PPM1H: variants seen among roughly 807,000 people sequenced by gnomAD.
PPM1H encodes the protein protein phosphatase, Mg2+/Mn2+ dependent 1H.
PPM1H carries 27 observed loss-of-function variants against 54.9 expected under a neutral mutation model. The observed-to-expected ratio is 0.49, with a 90% CI of 0.36 to 0.68. The LOEUF (loss-of-function observed/expected upper bound fraction) is 0.68. Ranked by LOEUF, PPM1H falls within the 30% of genes least tolerant of loss-of-function variation. The probability of loss-of-function intolerance (pLI) is 0.00; values close to 1 mark genes in which losing one functional copy is unlikely to be tolerated. For missense variants in PPM1H, 596 were observed against 667.8 expected (o/e 0.89, Z 1.19); for synonymous variants, 305 against 270.8 (o/e 1.13, Z -1.24).
In PPM1H at chr12:62,917,177, G is replaced by A. The variant is rs141622264; in HGVS notation, c.245+17315C>T. On this transcript the variant is annotated intron_variant, in intron 1 of 9. Transcript: ENST00000228705. ...CAGTGACACGTGGCTGCAGGGCCAC[G>A]TATAAGTACAAAGTATTGATTAAAA... is the stretch of plus-strand genomic sequence containing the variant. 4.3e-3 allele frequency among the ~76,000 whole-genome samples: 656 copies of A among 152,348 alleles called. 2 individuals carry two copies. The highest frequency in any genetic ancestry group is 7.0e-3 in the Non-Finnish European group (477 of 68,036).
chr12:62,908,636 T>A (rs1040061845), intron 1 of PPM1H, among the ~76,000 whole-genome samples: 3 of 152,184 alleles, frequency 2.0e-5, no homozygotes, highest in African/African-American at 7.2e-5. Context: ...GTGGTTTGTA[T>A]CATAGTAGGG....
At chr12:62,818,361 G>A (rs914912109) in intron 2 of PPM1H, among the ~76,000 whole-genome samples, 2 of 152,124 alleles carry the variant, frequency 1.3e-5, no homozygotes, top group Non-Finnish European at 2.9e-5. Context: ...GATAAATAAA[G>A]ACTCTTTATA....
intron 4 of PPM1H, chr12:62,756,132 C>T: frequency 1.2e-6 from 1 of 855,354 alleles, no homozygotes; most frequent in East Asian, 2.5e-5. Context: ...TGGCATTGAC[C>T]TCAACGACCA....
chr12:62,772,471 C>G (rs1265269725), intron 4 of PPM1H, among the ~76,000 whole-genome samples: 2 of 152,066 alleles, frequency 1.3e-5, no homozygotes, highest in Non-Finnish European at 2.9e-5. Context: ...AGATTTGTAT[C>G]TAATTTTAAA....
At chr12:62,714,967 AC>A (rs1436694329) in intron 6 of PPM1H, among the ~76,000 whole-genome samples, 5 of 152,018 alleles carry the variant, frequency 3.3e-5, no homozygotes, top group Admixed American at 6.5e-5. Context: ...CCTCCCACAC[AC>A]ATGTCCCTCT....
At chr12:62,831,828 T>C (rs1868365680) in intron 2 of PPM1H, among the ~76,000 whole-genome samples, 1 of 151,624 alleles carries the variant, frequency 6.6e-6, no homozygotes, top group Admixed American at 6.6e-5. Flanking sequence ...TATATATATA[T>C]GCACACACAT....
intron 1 of PPM1H, among the ~76,000 whole-genome samples, chr12:62,845,170 G>A (rs920008280): frequency 6.6e-6 from 1 of 152,188 alleles, no homozygotes; most frequent in Non-Finnish European, 1.5e-5. Context: ...GTCTAAACAG[G>A]ACCTGGAAGT....
chr12:62,850,718 T>TTTTTTTC (rs1476053471), intron 1 of PPM1H: 6 of 149,274 alleles, frequency 4.0e-5, no homozygotes, highest in Non-Finnish European at 7.4e-5. Context: ...TATATTTATA[T>TTTTTTTC]TTTTTTCTTT....
At chr12:62,875,055 A>G (rs1390076241) in intron 1 of PPM1H, among the ~76,000 whole-genome samples, 1 of 152,234 alleles carries the variant, frequency 6.6e-6, no homozygotes, top group African/African-American at 2.4e-5. Flanking sequence ...CACTGCCTCC[A>G]GGGCAGCAGA....
intron 1 of PPM1H, among the ~76,000 whole-genome samples, chr12:62,913,875 T>C (rs550126977): frequency 0.017 from 2,587 of 152,178 alleles, 78 homozygotes; most frequent in African/African-American, 0.059. Context: ...TAACTTTGTA[T>C]TTTTAGTAGA....
rs187121540 is a variant in PPM1H, at chr12:62,702,610, T to C, written c.1074-8611A>G. On this transcript the variant is annotated intron_variant, in intron 6 of 9. Coordinates refer to ENST00000228705, the MANE Select transcript of PPM1H (RefSeq NM_020700.2). ...ACCACTTGTTTCCCTAAGTCTTAAT[T>C]CCCTTAGCAAGACTTCAAAGTCATT... is the stretch of plus-strand genomic sequence containing the variant. Among the ~76,000 whole-genome samples the C allele has an allele frequency of 2.0e-5, 3 of 150,418 alleles. No individual in the cohort carries two copies. The East Asian group carries it at 6.0e-4, about 30-fold the overall frequency.
intron 1 of PPM1H, among the ~76,000 whole-genome samples, chr12:62,848,047 C>A (rs1159847723): frequency 6.6e-6 from 1 of 151,976 alleles, no homozygotes; most frequent in African/African-American, 2.4e-5. Context: ...AATAGCGGAA[C>A]CAGAAGCATA....
chr12:62,916,938 A>AAG (rs1871644660), intron 1 of PPM1H, among the ~76,000 whole-genome samples: 1 of 152,160 alleles, frequency 6.6e-6, no homozygotes, highest in Non-Finnish European at 1.5e-5. Flanking sequence ...AAAAAAAAAA[A>AAG]AAAAAGGTAG....
At chr12:62,839,979 T>C (rs1868669853) in intron 1 of PPM1H, among the ~76,000 whole-genome samples, 1 of 151,242 alleles carries the variant, frequency 6.6e-6, no homozygotes, top group African/African-American at 2.4e-5. Flanking sequence ...AGTTGGATGC[T>C]GCAGTGAGCT....
intron 2 of PPM1H, among the ~76,000 whole-genome samples, chr12:62,830,737 C>A (rs568274132): frequency 3.8e-4 from 58 of 152,334 alleles, no homozygotes; most frequent in African/African-American, 1.3e-3. Context: ...TTCCTTCAAC[C>A]TAGAAAATAT....
intron 1 of PPM1H, among the ~76,000 whole-genome samples, chr12:62,917,073 G>T (rs1199065887): frequency 6.6e-6 from 1 of 152,134 alleles, no homozygotes; most frequent in Non-Finnish European, 1.5e-5. Context: ...AATATAATTT[G>T]ACTTATGTGA....
chr12:62,879,003 C>T (rs1195945416), intron 1 of PPM1H, among the ~76,000 whole-genome samples: 2 of 152,160 alleles, frequency 1.3e-5, no homozygotes, highest in East Asian at 3.9e-4. Context: ...TATTTTCCCT[C>T]GTTCAGAGCA....
At chr12:62,752,403 G>A (rs1290263978) in intron 4 of PPM1H, among the ~76,000 whole-genome samples, 1 of 152,086 alleles carries the variant, frequency 6.6e-6, no homozygotes, top group East Asian at 1.9e-4. Flanking sequence ...GAATAAAGTG[G>A]TTATCTCACA....
chr12:62,838,703 C>T (rs1868594402), intron 1 of PPM1H, among the ~76,000 whole-genome samples: 1 of 142,064 alleles, frequency 7.0e-6, no homozygotes, highest in African/African-American at 2.8e-5. Context: ...GGGCGGATCA[C>T]GAGGTCAGGA....
Sources: gnomAD v4.1 joint callset for allele counts (sites outside exome capture counted in the v4.1 genomes callset) on GRCh38, gnomAD v4.1.1 for gene constraint, MANE v1.5 for transcripts, NCBI Gene and HGNC (gene_info 2026-07-23, HGNC 2026-07-21) for gene names.